Variants in GRIK4 observed in about 807,000 individuals in gnomAD.
GRIK4 encodes glutamate ionotropic receptor kainate type subunit 4.
Under a neutral mutation model 104.9 loss-of-function variants are expected in GRIK4, and 40 were observed. The observed-to-expected ratio is 0.38, with a 90% CI of 0.30 to 0.50. GRIK4 has a LOEUF of 0.50. GRIK4 is among the 20% of genes least tolerant of loss of function. The probability of loss-of-function intolerance (pLI) is 0.93; values close to 1 mark genes in which losing one functional copy is unlikely to be tolerated. For missense variants in GRIK4, 1,047 were observed against 1,308.1 expected, an observed-to-expected ratio of 0.80 and a Z score of 3.08; for synonymous variants, 485 against 524.9, an observed-to-expected ratio of 0.92 and a Z score of 1.04.
intron 11 of GRIK4, among the ~76,000 whole-genome samples, chr11:120,887,933 G>T (rs543107345): frequency 1.3e-5 from 2 of 152,288 alleles, no homozygotes; most frequent in Non-Finnish European, 2.9e-5. Context: ...GAAACCCCAG[G>T]TGAAGGGGAG....
chr11:120,979,434 G>C (rs1565474292), intron 19 of GRIK4, among the ~76,000 whole-genome samples: 1 of 152,076 alleles, frequency 6.6e-6, no homozygotes, highest in African/African-American at 2.4e-5. Context: ...TTTAACATAA[G>C]ATCTGGGTGC....
In GRIK4 at chr11:120,519,889, T is replaced by TTTG. The variant is rs1236945541; in HGVS notation, c.-159+8014_-159+8016dup. ...GGTTTTTTTTTTTTTTGTTTTTTTT[T>TTTG]TTGTTGTTGTTGTTTTTTTTTGAGA... On this transcript the variant is annotated intron_variant, in intron 1 of 20. Coordinates refer to ENST00000527524, the MANE Select transcript of GRIK4 (RefSeq NM_014619.5). Among the ~76,000 whole-genome samples, 298 of 146,568 alleles carry TTTG rather than the reference T, an allele frequency of 2.0e-3. 2 individuals carry two copies. The highest frequency in any genetic ancestry group is 6.9e-3 in the African/African-American group (268 of 38,898).
At chr11:120,580,525 C>A (rs1342026201) in intron 1 of GRIK4, among the ~76,000 whole-genome samples, 1 of 151,834 alleles carries the variant, frequency 6.6e-6, no homozygotes, top group Non-Finnish European at 1.5e-5. Context: ...TCTGTTCTTA[C>A]CAAAGTGCTG....
chr11:120,717,421 G>A (rs1295697651), intron 3 of GRIK4, among the ~76,000 whole-genome samples: 1 of 152,182 alleles, frequency 6.6e-6, no homozygotes, highest in Non-Finnish European at 1.5e-5. Flanking sequence ...AGGCGGATGA[G>A]CATGCCCAGG....
chr11:120,682,424 T>G lies in GRIK4; in HGVS notation c.82+22024T>G, dbSNP rs147637212. 6.6e-5 allele frequency among the ~76,000 whole-genome samples: 10 copies of G among 152,304 alleles called. No homozygotes were observed. In the East Asian group the frequency reaches 1.9e-3, roughly 29 times the overall value. On this transcript the variant is annotated intron_variant, in intron 3 of 20. Coordinates refer to ENST00000527524, the MANE Select transcript of GRIK4 (RefSeq NM_014619.5). The stretch of plus-strand genomic sequence containing the variant: ...TGCTTATTTGGCCTGTAGCATGGTC[T>G]GGTCTTGACTCCCTCCATTTGCAGC...
At chr11:120,984,556 C>T (rs575512509) in intron 20 of GRIK4, among the ~76,000 whole-genome samples, 5 of 152,156 alleles carry the variant, frequency 3.3e-5, no homozygotes, top group African/African-American at 7.2e-5. Context: ...ATCATGAGGT[C>T]GGCAGTTCAA....
At chr11:120,948,790 G>A (rs570135511) in intron 14 of GRIK4, among the ~76,000 whole-genome samples, 3 of 152,246 alleles carry the variant, frequency 2.0e-5, no homozygotes, top group South Asian at 4.2e-4. Flanking sequence ...CTTCACTCAC[G>A]GCTACCATTA....
At chr11:120,941,289 G>A (rs946605364) in intron 14 of GRIK4, among the ~76,000 whole-genome samples, 5 of 152,148 alleles carry the variant, frequency 3.3e-5, no homozygotes, top group Non-Finnish European at 7.4e-5. Flanking sequence ...AGCTGCCATG[G>A]TATGCTCCAG....
chr11:120,854,608 A>T (rs917162092), intron 8 of GRIK4, among the ~76,000 whole-genome samples: 1 of 152,310 alleles, frequency 6.6e-6, no homozygotes, highest in African/African-American at 2.4e-5. Flanking sequence ...AGGCCTCCGC[A>T]CACTGCCTTC....
intron 14 of GRIK4, among the ~76,000 whole-genome samples, chr11:120,943,260 A>G (rs1257531601): frequency 6.6e-6 from 1 of 152,144 alleles, no homozygotes; most frequent in Non-Finnish European, 1.5e-5. Flanking sequence ...GCCAAGCAAG[A>G]AATGAGTGCT....
At chr11:120,893,880 T>C (rs1181077678) in intron 11 of GRIK4, among the ~76,000 whole-genome samples, 1 of 152,218 alleles carries the variant, frequency 6.6e-6, no homozygotes, top group East Asian at 1.9e-4. Context: ...CACCCTAACC[T>C]TTCTCTGTCA....
At chr11:120,965,370 A>G (rs889561890) in intron 18 of GRIK4, among the ~76,000 whole-genome samples, 2 of 152,196 alleles carry the variant, frequency 1.3e-5, no homozygotes, top group Non-Finnish European at 2.9e-5. Context: ...ACCTAACAAC[A>G]TCTGTTAGAC....
intron 1 of GRIK4, among the ~76,000 whole-genome samples, chr11:120,626,411 G>A (rs1386400385): frequency 6.6e-6 from 1 of 152,164 alleles, no homozygotes; most frequent in Non-Finnish European, 1.5e-5. Flanking sequence ...ACACTTTATT[G>A]GAGGGAAACT....
chr11:120,617,848 C>A (rs970156796), intron 1 of GRIK4, among the ~76,000 whole-genome samples: 1 of 152,170 alleles, frequency 6.6e-6, no homozygotes, highest in African/African-American at 2.4e-5. Flanking sequence ...CCAGTAACAT[C>A]TCTTTTCATC....
Position 120,610,090 on chromosome 11 carries a change from C to A in GRIK4, c.-158-43595C>A, listed in dbSNP as rs922687937. ...CCCATCTGCCTTCTCCTGTCTCTCG[C>A]TTCTTGGTTTCGCTTTGTTTTTATG... On this transcript the variant is annotated intron_variant, in intron 1 of 20. Transcript: ENST00000527524. Among the ~76,000 whole-genome samples, 3 of 152,272 alleles carry A rather than the reference C, an allele frequency of 2.0e-5. No individual in the cohort carries two copies. In the East Asian group the frequency reaches 5.8e-4, roughly 29 times the overall value.
At chr11:120,523,881 A>C (rs1947826219) in intron 1 of GRIK4, among the ~76,000 whole-genome samples, 1 of 150,690 alleles carries the variant, frequency 6.6e-6, no homozygotes. Flanking sequence ...CTGTCTCCCC[A>C]CAAGGCACGG....
At chr11:120,750,231 C>T (rs1442289916) in intron 3 of GRIK4, among the ~76,000 whole-genome samples, 2 of 151,738 alleles carry the variant, frequency 1.3e-5, no homozygotes, top group African/African-American at 2.4e-5. Flanking sequence ...ATTTGGTCCC[C>T]GCACAGTAGT....
At chr11:120,863,355 T>A (rs999822820) in intron 9 of GRIK4, among the ~76,000 whole-genome samples, 1 of 152,242 alleles carries the variant, frequency 6.6e-6, no homozygotes, top group Non-Finnish European at 1.5e-5. Context: ...GTTTGTAGCC[T>A]AGGAGCACTA....
intron 3 of GRIK4, among the ~76,000 whole-genome samples, chr11:120,782,735 A>G (rs1415205487): frequency 6.6e-6 from 1 of 152,066 alleles, no homozygotes; most frequent in African/African-American, 2.4e-5. Flanking sequence ...GAAATGAGGG[A>G]AACTAGGGAC....
Sources: allele counts gnomAD v4.1 joint callset (sites outside exome capture counted in the v4.1 genomes callset), GRCh38; gene constraint gnomAD v4.1.1; transcripts MANE v1.5; gene names NCBI Gene and HGNC (gene_info 2026-07-23, HGNC 2026-07-21).